The following SLC25A21 variants were observed in gnomAD, a reference collection of about 807,000 sequenced individuals.
The protein encoded by SLC25A21 is mitochondrial 2-oxodicarboxylate carrier.
In SLC25A21, 47 loss-of-function variants were observed where a neutral mutation model predicts 43.8. The ratio of observed to expected loss-of-function variants is 1.07; its 90% CI spans 0.85 to 1.37. SLC25A21 has a LOEUF of 1.37. SLC25A21 is among the 40% of genes most tolerant of loss of function. SLC25A21 has a pLI of 0.00. For synonymous variants in SLC25A21, 131 were observed against 121.3 expected, an observed-to-expected ratio of 1.08 and a Z score of -0.52; for missense variants, 352 against 350.2, an observed-to-expected ratio of 1.00 and a Z score of -0.04.
chr14:36,891,636 CTCTTT>C (rs1891075184), intron 1 of SLC25A21, among the ~76,000 whole-genome samples: 1 of 152,092 alleles, frequency 6.6e-6, no homozygotes, highest in Non-Finnish European at 1.5e-5. Context: ...AATCTATTCC[CTCTTT>C]TTTTTCATGT....
At chr14:36,855,119 T>C (rs1475721448) in intron 2 of SLC25A21, among the ~76,000 whole-genome samples, 2 of 152,074 alleles carry the variant, frequency 1.3e-5, no homozygotes, top group Admixed American at 6.5e-5. Flanking sequence ...CTCTTCCCTG[T>C]TGGACAAGCC....
At chr14:36,939,801 G>A (rs887308757) in intron 1 of SLC25A21, among the ~76,000 whole-genome samples, 7 of 152,004 alleles carry the variant, frequency 4.6e-5, no homozygotes, top group African/African-American at 9.7e-5. Context: ...AAAAATCAGC[G>A]CCATTAGAAC....
intron 1 of SLC25A21, among the ~76,000 whole-genome samples, chr14:36,946,012 A>G (rs1430350025): frequency 6.6e-6 from 1 of 152,226 alleles, no homozygotes; most frequent in Admixed American, 6.5e-5. Context: ...CTCTAGCCCT[A>G]TGATGTACCT....
intron 1 of SLC25A21, among the ~76,000 whole-genome samples, chr14:37,074,804 AGAGT>A (rs1472048652): frequency 2.0e-5 from 3 of 152,182 alleles, no homozygotes; most frequent in African/African-American, 7.2e-5. Flanking sequence ...CCTGAGTGAC[AGAGT>A]GAGACTCTGT....
At chr14:37,097,031 T>TTG (rs1487691414) in intron 1 of SLC25A21, 3 of 137,806 alleles carry the variant, frequency 2.2e-5, no homozygotes, top group African/African-American at 8.6e-5. Context: ...TTTTTTTTGT[T>TTG]TTTTTTTTTT....
intron 1 of SLC25A21, among the ~76,000 whole-genome samples, chr14:36,911,613 G>A (rs1265708314): frequency 6.6e-6 from 1 of 152,144 alleles, no homozygotes; most frequent in Non-Finnish European, 1.5e-5. Context: ...GTCACATGCA[G>A]AGGCCTCATT....
At chr14:36,933,033 A>T (rs1892333561) in intron 1 of SLC25A21, among the ~76,000 whole-genome samples, 1 of 152,188 alleles carries the variant, frequency 6.6e-6, no homozygotes, top group Non-Finnish European at 1.5e-5. Context: ...CATTAAAGTC[A>T]AAAGCCTACT....
chr14:36,864,813 T>G (rs563171180), intron 2 of SLC25A21, among the ~76,000 whole-genome samples: 22 of 152,160 alleles, frequency 1.4e-4, no homozygotes, highest in African/African-American at 4.6e-4. Flanking sequence ...CTATCCATGG[T>G]GAGAAATCAG....
chr14:37,137,052 G>C (rs1408061191), intron 1 of SLC25A21, among the ~76,000 whole-genome samples: 1 of 152,162 alleles, frequency 6.6e-6, no homozygotes. Context: ...CCAGGCTGGG[G>C]TGCAGTGGCG....
chr14:37,074,916 T>C (rs1443567802), intron 1 of SLC25A21, among the ~76,000 whole-genome samples: 3 of 152,166 alleles, frequency 2.0e-5, no homozygotes, highest in African/African-American at 7.2e-5. Context: ...ACCAAATGTG[T>C]TTAGGGCCTG....
At chr14:36,757,676 C>A (rs183949854) in intron 3 of SLC25A21, among the ~76,000 whole-genome samples, 1 of 152,180 alleles carries the variant, frequency 6.6e-6, no homozygotes, top group East Asian at 1.9e-4. Flanking sequence ...AGTCTCAATA[C>A]TTATGGACAT....
At chr14:36,974,309 T>C (rs1488303968) in intron 1 of SLC25A21, among the ~76,000 whole-genome samples, 2 of 152,228 alleles carry the variant, frequency 1.3e-5, no homozygotes, top group Non-Finnish European at 2.9e-5. Flanking sequence ...ATATGACTCA[T>C]GCTTTCTCTT....
intron 1 of SLC25A21, among the ~76,000 whole-genome samples, chr14:37,044,450 C>A (rs1292267541): frequency 6.6e-6 from 1 of 152,138 alleles, no homozygotes; most frequent in Non-Finnish European, 1.5e-5. Flanking sequence ...GTACTCTTAT[C>A]TATTCATAGA....
intron 2 of SLC25A21, among the ~76,000 whole-genome samples, chr14:36,863,176 C>T (rs1261452641): frequency 1.3e-5 from 2 of 152,124 alleles, no homozygotes; most frequent in Non-Finnish European, 2.9e-5. Context: ...TGGAGAACCC[C>T]ACTGACAGGC....
intron 1 of SLC25A21, among the ~76,000 whole-genome samples, chr14:37,105,198 G>T (rs1300637176): frequency 6.6e-6 from 1 of 152,140 alleles, no homozygotes; most frequent in Non-Finnish European, 1.5e-5. Context: ...TGAGTGTCAA[G>T]GCAGGTAAGT....
intron 7 of SLC25A21, among the ~76,000 whole-genome samples, chr14:36,707,688 A>G (rs1234387806): frequency 1.3e-5 from 2 of 152,248 alleles, no homozygotes; most frequent in African/African-American, 4.8e-5. Flanking sequence ...GCCACATGGC[A>G]CATGTTAGCA....
At chr14:36,720,782 A>C (rs1403882346) in intron 6 of SLC25A21, among the ~76,000 whole-genome samples, 1 of 152,246 alleles carries the variant, frequency 6.6e-6, no homozygotes, top group Non-Finnish European at 1.5e-5. Context: ...TCTGCTGCTA[A>C]GTGCTAGTTA....
At chr14:36,992,843 T>C (rs559525727) in intron 1 of SLC25A21, among the ~76,000 whole-genome samples, 34 of 152,200 alleles carry the variant, frequency 2.2e-4, no homozygotes, top group Admixed American at 5.2e-4. Flanking sequence ...TCTTTTTGTT[T>C]CCTTTGCCCA....
At chr14:36,952,269 T>A (rs1482036243) in intron 1 of SLC25A21, 1 of 153,734 alleles carries the variant, frequency 6.5e-6, no homozygotes, top group Non-Finnish European at 1.5e-5. Flanking sequence ...AGAATCAGAG[T>A]AGAATAAATA....
Sources: allele counts gnomAD v4.1 joint callset (sites outside exome capture counted in the v4.1 genomes callset), GRCh38; gene constraint gnomAD v4.1.1; transcripts MANE v1.5; gene names NCBI Gene and HGNC (gene_info 2026-07-23, HGNC 2026-07-21).